The following CERS3 variants were observed in gnomAD, a reference collection of about 807,000 sequenced individuals.
CERS3 encodes LAG1 homolog, ceramide synthase 3.
Under a neutral mutation model 50.3 loss-of-function variants are expected in CERS3, and 33 were observed. The observed-to-expected ratio is 0.66, with a 90% CI of 0.50 to 0.88. CERS3 has a LOEUF of 0.88. CERS3 is among the 40% of genes least tolerant of loss of function. The pLI, the probability that CERS3 is intolerant of heterozygous loss-of-function variation, is 0.00. For missense variants in CERS3, 470 were observed against 460.3 expected (o/e 1.02, Z -0.19); for synonymous variants, 176 against 155.2 (o/e 1.13, Z -0.99).
At chr15:100,480,613 T>C (rs1394911227) in intron 5 of CERS3, among the ~76,000 whole-genome samples, 1 of 152,216 alleles carries the variant, frequency 6.6e-6, no homozygotes, top group East Asian at 1.9e-4. Context: ...AAATGGATCT[T>C]ATTTAGATCC....
chr15:100,519,434 GA>G (rs11356450), intron 2 of CERS3, among the ~76,000 whole-genome samples: 108,893 of 151,924 alleles, frequency 0.72, 39,388 homozygotes, highest in Admixed American at 0.79. Context: ...GAAATGTTCT[GA>G]AAAAAAAGTG....
At chr15:100,453,823 A>G (rs2034261685) in intron 11 of CERS3, among the ~76,000 whole-genome samples, 1 of 152,230 alleles carries the variant, frequency 6.6e-6, no homozygotes. Flanking sequence ...AATTCAACAT[A>G]AAAAATAGTG....
At chr15:100,436,820 T>C (rs2033431253) in intron 11 of CERS3, among the ~76,000 whole-genome samples, 1 of 152,058 alleles carries the variant, frequency 6.6e-6, no homozygotes, top group African/African-American at 2.4e-5. Context: ...CAGAGGTCAG[T>C]TTGCCTAAAA....
chr15:100,416,696 C>T (rs114443201), intron 11 of CERS3, among the ~76,000 whole-genome samples: 4,171 of 152,184 alleles, frequency 0.027, 197 homozygotes, highest in African/African-American at 0.093. Flanking sequence ...CTCACTATCA[C>T]GAGAACAGCA....
At chr15:100,473,178 C>T (rs2035023335) in intron 8 of CERS3, 126 bp from the exon 9 acceptor site, 7 of 968,380 alleles carry the variant, frequency 7.2e-6, no homozygotes, top group Non-Finnish European at 1.0e-5. Flanking sequence ...TTATAAAATG[C>T]TTTTACTTCC....
intron 11 of CERS3, among the ~76,000 whole-genome samples, chr15:100,445,856 A>G (rs1316983708): frequency 2.0e-5 from 3 of 152,184 alleles, no homozygotes; most frequent in Non-Finnish European, 4.4e-5. Flanking sequence ...CTGCACATAC[A>G]CATCCAGATG....
chr15:100,533,479 G>GTTCTT (rs202179368), upstream of CERS3, among the ~76,000 whole-genome samples: 1 of 151,326 alleles, frequency 6.6e-6, no homozygotes, highest in African/African-American at 2.4e-5. Context: ...AATTCATTGG[G>GTTCTT]TTCTTTTCTT....
rs546013598 is a variant in CERS3 at position 100,474,534 on chromosome 15, A to T, written c.610-1482T>A. On this transcript the variant is annotated intron_variant, in intron 8 of 11. Transcript: ENST00000679737. Reference sequence around the variant, plus strand: ...ATTCTCCTGCCTCAGCCTCCCAAGTAGCTGGGACTACAGGCATGTGCCACC... The same window carrying T: ...ATTCTCCTGCCTCAGCCTCCCAAGTTGCTGGGACTACAGGCATGTGCCACC... 2.2e-3 allele frequency among the ~76,000 whole-genome samples: 330 copies of T among 152,034 alleles called. 2 individuals carry two copies. Among genetic ancestry groups the T allele is most frequent in the African/African-American group, 7.4e-3 (307 of 41,472 alleles).
upstream of CERS3, among the ~76,000 whole-genome samples, chr15:100,531,044 A>G (rs1311943317): frequency 2.0e-5 from 3 of 152,108 alleles, no homozygotes; most frequent in Admixed American, 1.3e-4. Context: ...AGATCACTCC[A>G]CTGCACTCCA....
intron 1 of CERS3, among the ~76,000 whole-genome samples, chr15:100,542,612 T>C (rs914142785): frequency 1.3e-5 from 2 of 152,228 alleles, no homozygotes; most frequent in Non-Finnish European, 2.9e-5. Flanking sequence ...TGAACTCTTC[T>C]ATAGTTCCAA....
intron 11 of CERS3, among the ~76,000 whole-genome samples, chr15:100,450,046 TA>T (rs946650883): frequency 6.6e-6 from 1 of 151,358 alleles, no homozygotes; most frequent in Non-Finnish European, 1.5e-5. Context: ...ATAGAGATCG[TA>T]AAAAAAAGAA....
intron 11 of CERS3, among the ~76,000 whole-genome samples, chr15:100,454,729 A>G (rs539037906): frequency 2.0e-5 from 3 of 152,306 alleles, no homozygotes; most frequent in Middle Eastern, 3.4e-3. Context: ...ACTATATTAA[A>G]CTAAGAAGCT....
intron 2 of CERS3, among the ~76,000 whole-genome samples, chr15:100,504,040 C>T (rs752639561): frequency 2.6e-5 from 4 of 152,086 alleles, no homozygotes; most frequent in Non-Finnish European, 5.9e-5. Context: ...TTTCTGACTT[C>T]AGATGAGAAA....
chr15:100,467,326 T>C (rs531943909), intron 10 of CERS3, among the ~76,000 whole-genome samples: 1 of 152,180 alleles, frequency 6.6e-6, no homozygotes, highest in East Asian at 1.9e-4. Context: ...TAATAAATGT[T>C]GTTGTCTTAA....
intron 3 of CERS3, among the ~76,000 whole-genome samples, chr15:100,494,494 G>T (rs770740821): frequency 3.3e-5 from 5 of 151,760 alleles, no homozygotes; most frequent in Non-Finnish European, 7.4e-5. Context: ...TGATCCACCC[G>T]CCTTGGCCTC....
intron 2 of CERS3, among the ~76,000 whole-genome samples, chr15:100,511,197 G>A (rs539910578): frequency 2.6e-5 from 4 of 152,266 alleles, no homozygotes; most frequent in East Asian, 3.9e-4. Flanking sequence ...GCTGAGGCAG[G>A]AGAATTTCTT....
chr15:100,496,418 G>A (rs1290966422), intron 3 of CERS3, among the ~76,000 whole-genome samples: 5 of 152,112 alleles, frequency 3.3e-5, no homozygotes, highest in African/African-American at 4.8e-5. Context: ...AATGAAAGAA[G>A]TCGAACACAA....
chr15:100,435,357 T>G (rs574350195), intron 11 of CERS3, among the ~76,000 whole-genome samples: 1 of 152,250 alleles, frequency 6.6e-6, no homozygotes, highest in African/African-American at 2.4e-5. Context: ...CAGAACCTCT[T>G]TGAGGAAACA....
At chr15:100,452,791 A>G (rs1436886444) in intron 11 of CERS3, among the ~76,000 whole-genome samples, 3 of 152,128 alleles carry the variant, frequency 2.0e-5, no homozygotes, top group Non-Finnish European at 4.4e-5. Context: ...ACCAAAATAA[A>G]GAAAATCAGA....
Sources: allele counts gnomAD v4.1 joint callset (sites outside exome capture counted in the v4.1 genomes callset), GRCh38; gene constraint gnomAD v4.1.1; transcripts MANE v1.5; gene names NCBI Gene and HGNC (gene_info 2026-07-23, HGNC 2026-07-21).